Variants in CDC14A observed in about 807,000 individuals in gnomAD.
The protein encoded by CDC14A is cell division cycle 14A.
Under a neutral mutation model 74.4 loss-of-function variants are expected in CDC14A, and 53 were observed. The observed-to-expected ratio is 0.71, with a 90% confidence interval of 0.57 to 0.89. CDC14A has a LOEUF of 0.89. CDC14A is among the 40% of genes least tolerant of loss of function. The pLI is 0.00. For synonymous variants in CDC14A, 247 were observed against 258.4 expected (o/e 0.96, Z 0.43); for missense variants, 646 against 713.7 (o/e 0.91, Z 1.08).
rs758255711 is a variant in CDC14A at position 100,388,835 on chromosome 1, G to A, written c.217-1897G>A. 6.4e-4 allele frequency among the ~76,000 whole-genome samples: 97 copies of A among 152,046 alleles called. 2 individuals are homozygous for A. The highest frequency in any genetic ancestry group is 1.8e-4 in the Non-Finnish European group (12 of 68,010). Reference sequence around the variant, plus strand: ...CAAAGTGTTGGAATTACAGGCATGAGCCATCACACCTGGCCTTACATACTA... The same window carrying A: ...CAAAGTGTTGGAATTACAGGCATGAACCATCACACCTGGCCTTACATACTA... On this transcript the variant is annotated intron_variant, in intron 3 of 15. Transcript: ENST00000336454.
chr1:100,405,211 T>G (rs1659787579), intron 4 of CDC14A, among the ~76,000 whole-genome samples: 1 of 152,214 alleles, frequency 6.6e-6, no homozygotes, highest in South Asian at 2.1e-4. Context: ...ACTGTCATTT[T>G]CTTACTATCT....
At chr1:100,492,300 G>T (rs1019190288) in intron 11 of CDC14A, among the ~76,000 whole-genome samples, 4 of 152,076 alleles carry the variant, frequency 2.6e-5, no homozygotes, top group Non-Finnish European at 4.4e-5. Flanking sequence ...TTGAATTCTA[G>T]CAACAAAAAA....
intron 4 of CDC14A, chr1:100,393,386 T>C (rs1571048782): frequency 2.3e-6 from 2 of 860,800 alleles, no homozygotes; most frequent in South Asian, 2.6e-5. Context: ...TAGAATTGTT[T>C]ACACATTCTT....
intron 15 of CDC14A, among the ~76,000 whole-genome samples, chr1:100,512,810 AT>A (rs1649895987): frequency 6.6e-6 from 1 of 152,200 alleles, no homozygotes; most frequent in African/African-American, 2.4e-5. Context: ...TTCGAACCTG[AT>A]TTTAACACAA....
chr1:100,491,379 A>G (rs1406906693), intron 11 of CDC14A, among the ~76,000 whole-genome samples: 1 of 151,540 alleles, frequency 6.6e-6, no homozygotes, highest in Non-Finnish European at 1.5e-5. Context: ...TTGATGGTAA[A>G]TATATAGGTG....
intron 2 of CDC14A, among the ~76,000 whole-genome samples, chr1:100,360,087 C>T (rs973163125): frequency 4.2e-4 from 63 of 148,448 alleles, no homozygotes; most frequent in African/African-American, 6.9e-4. Context: ...GGATTACAGG[C>T]GCGCACCACC....
chr1:100,364,240 G>A (rs1033628303), intron 2 of CDC14A, among the ~76,000 whole-genome samples: 38 of 150,402 alleles, frequency 2.5e-4, no homozygotes, highest in African/African-American at 8.8e-4. Context: ...ATGGAGTCTC[G>A]CTCTGTTGCC....
At position 100,475,921 on chromosome 1, in the gene CDC14A, T is replaced by G. The variant is rs1668848287; in HGVS notation, c.977+7827T>G. On this transcript the variant is annotated intron_variant, in intron 10 of 15. Coordinates refer to ENST00000336454, the MANE Select transcript of CDC14A (RefSeq NM_003672.4). ...ATCTGACTCCCAACTTAGCCTTCTT[T>G]GACACTTCTGTGGCGAGGGATTGAC... Among the ~76,000 whole-genome samples, 2 of 152,146 alleles carry G rather than the reference T, an allele frequency of 1.3e-5. 1 individual carries two copies. The highest frequency in any genetic ancestry group is 4.1e-4 in the South Asian group (2 of 4,836).
chr1:100,504,897 G>C (rs1479623101), intron 15 of CDC14A: 1 of 1,534,562 alleles, frequency 6.5e-7, no homozygotes, highest in East Asian at 2.4e-5. Flanking sequence ...TTTAAATAAA[G>C]ACATATATTA....
intron 5 of CDC14A, 50 bp downstream of exon 5, chr1:100,424,351 A>T: frequency 7.8e-7 from 1 of 1,280,400 alleles, no homozygotes; most frequent in Non-Finnish European, 1.1e-6. Context: ...AGAGCTGGAC[A>T]CTTTAGAGTT....
intron 10 of CDC14A, among the ~76,000 whole-genome samples, chr1:100,469,926 AG>A (rs1668225578): frequency 6.6e-6 from 1 of 152,212 alleles, no homozygotes; most frequent in African/African-American, 2.4e-5. Context: ...GGCTGAAGAA[AG>A]GCTTTTAAAT....
intron 10 of CDC14A, among the ~76,000 whole-genome samples, chr1:100,473,144 C>T (rs1377336251): frequency 2.0e-5 from 3 of 151,952 alleles, no homozygotes; most frequent in Non-Finnish European, 2.9e-5. Flanking sequence ...TCCTCTATAT[C>T]GATTTGGGGA....
At chr1:100,518,090 C>T (rs1449940973) in intron 15 of CDC14A, among the ~76,000 whole-genome samples, 161 bp from the exon 16 acceptor site, 4 of 152,116 alleles carry the variant, frequency 2.6e-5, no homozygotes, top group Non-Finnish European at 1.5e-5. Context: ...TCATTCTTAC[C>T]TAGCTAATGC....
rs914513987 is a variant in CDC14A, at chr1:100,457,636, T to C, written c.607+2144T>C. Among the ~76,000 whole-genome samples, 3 of 135,004 alleles carry C rather than the reference T, an allele frequency of 2.2e-5. No individual in the cohort carries two copies. The East Asian group carries it at 6.0e-4, about 27-fold the overall frequency. 88.6% of individuals were successfully genotyped at this position (135,004 alleles called of 152,430 possible). A position where few individuals can be genotyped will look rare whatever the true frequency, so the allele number is the denominator to read the frequency against. On this transcript the variant is annotated intron_variant, in intron 8 of 15. Transcript: ENST00000336454. ...CACCACACCTGGCTGGTTTTTTTTT[T>C]TTTTTTTAATTTTTAGTAGAGATGA... is the stretch of plus-strand genomic sequence containing the variant.
intron 3 of CDC14A, among the ~76,000 whole-genome samples, chr1:100,386,866 A>G (rs1233390938): frequency 6.6e-6 from 1 of 152,230 alleles, no homozygotes; most frequent in Non-Finnish European, 1.5e-5. Flanking sequence ...AGATCTCAAA[A>G]GAGAAGTTAA....
chr1:100,484,978 C>T, intron 11 of CDC14A: 4 of 977,832 alleles, frequency 4.1e-6, no homozygotes, highest in Non-Finnish European at 4.9e-6. Flanking sequence ...GTAATACTAT[C>T]TCTATTTTAT....
Position 100,462,832 on chromosome 1 carries a change from C to T in CDC14A, c.789C>T (p.Phe263=). 1.2e-6 allele frequency: 2 copies of T among 1,614,040 alleles called. No individual in the cohort carries two copies. Among genetic ancestry groups the T allele is most frequent in the African/African-American group, 1.3e-5 (1 of 75,020 alleles). ...STPSDNIVRR[F]LNICENTEGA... is the part of the protein sequence containing the mutation. ...CCAGTGACAACATCGTGCGAAGGTT[C>T]CTGAACATCTGTGAGAACACCGAAG... Residue 263 remains phenylalanine (F), a synonymous_variant, in exon 9 of 16, where the codon TTC becomes TTT. Transcript: ENST00000336454.
At chr1:100,371,486 G>A (rs753379148) in intron 2 of CDC14A, among the ~76,000 whole-genome samples, 5 of 152,132 alleles carry the variant, frequency 3.3e-5, no homozygotes, top group African/African-American at 1.2e-4. Flanking sequence ...TGCCCAGTTT[G>A]TTAAGGATTT....
chr1:100,409,983 T>C (rs2030052), intron 4 of CDC14A, among the ~76,000 whole-genome samples: 1 of 152,098 alleles, frequency 6.6e-6, no homozygotes, highest in Non-Finnish European at 1.5e-5. Context: ...ATGTATTTTA[T>C]CCAGAGTCAA....
Sources: allele counts gnomAD v4.1 joint callset (sites outside exome capture counted in the v4.1 genomes callset), GRCh38; gene constraint gnomAD v4.1.1; transcripts MANE v1.5; gene names NCBI Gene and HGNC (gene_info 2026-07-23, HGNC 2026-07-21).